The following MAP3K9 variants were observed in gnomAD, a reference collection of about 807,000 sequenced individuals.
MAP3K9 encodes the protein mitogen-activated protein kinase kinase kinase 9, also known as mixed lineage kinase 1 (tyr and ser/thr specificity).
Under a neutral mutation model 95.8 loss-of-function variants are expected in MAP3K9, and 46 were observed. The ratio of observed to expected loss-of-function variants is 0.48; its 90% confidence interval spans 0.38 to 0.61. MAP3K9 has a LOEUF of 0.61. Among genes scored for constraint, MAP3K9 ranks in the 20% least tolerant of loss-of-function variants. MAP3K9 has a pLI of 0.00. For synonymous variants in MAP3K9, 533 were observed against 593.8 expected (o/e 0.90, Z 1.49); for missense variants, 1,296 against 1,474.3 (o/e 0.88, Z 1.98).
chr14:70,745,448 T>C (rs908246714), intron 5 of MAP3K9, among the ~76,000 whole-genome samples: 7 of 152,088 alleles, frequency 4.6e-5, no homozygotes, highest in Admixed American at 2.0e-4. Flanking sequence ...ATAAAAGTGA[T>C]AGAAAGAAGG....
intron 2 of MAP3K9, among the ~76,000 whole-genome samples, chr14:70,778,077 T>A (rs72721934): frequency 2.1e-5 from 3 of 145,654 alleles, no homozygotes; most frequent in Non-Finnish European, 4.6e-5. Flanking sequence ...TCCCTTTTGT[T>A]TTTTGTTGTT....
intron 5 of MAP3K9, among the ~76,000 whole-genome samples, chr14:70,745,354 G>T (rs1241330174): frequency 6.6e-6 from 1 of 152,186 alleles, no homozygotes; most frequent in Non-Finnish European, 1.5e-5. Context: ...AGAGGAAAGA[G>T]ATCAAGAAAT....
rs190944326 is a variant in MAP3K9 at position 70,789,349 on chromosome 14, C to T, written c.820+11318G>A. 1.4e-4 allele frequency among the ~76,000 whole-genome samples: 22 copies of T among 152,268 alleles called. 1 individual carries two copies. In the East Asian group the frequency reaches 4.2e-3, roughly 29 times the overall value. The stretch of plus-strand genomic sequence containing the variant: ...GCTACTCAGGGCTGCCTAAAATCCT[C>T]TTGCACCACTTTAAAAAGGGAAATT... On this transcript the variant is annotated intron_variant, in intron 2 of 11. Coordinates refer to ENST00000554752, the MANE Select transcript of MAP3K9 (RefSeq NM_001284230.2).
intron 2 of MAP3K9, among the ~76,000 whole-genome samples, chr14:70,766,597 A>C (rs1341213780): frequency 1.3e-5 from 2 of 152,140 alleles, no homozygotes; most frequent in Admixed American, 1.3e-4. Context: ...TATGTCCATC[A>C]CTTTTGTTAA....
rs1025032409 is a variant in MAP3K9, at chr14:70,728,898, C to G, written c.*1482G>C. On this transcript the variant is annotated 3_prime_UTR_variant, in exon 12 of 12. Transcript: ENST00000554752. ...GGAAGAGGGGAATGACCTTGAGACTCTACTCCCAATCAAGTCGTCATTCCC... is the reference window on the plus strand; with the variant it reads ...GGAAGAGGGGAATGACCTTGAGACTGTACTCCCAATCAAGTCGTCATTCCC... 6.6e-6 allele frequency: 1 copy of G among 152,204 alleles called. No homozygotes were observed. The highest frequency in any genetic ancestry group is 1.5e-5 in the Non-Finnish European group (1 of 68,058). 9.4% of individuals were successfully genotyped at this position (152,204 alleles called of 1,614,324 possible).
At chr14:70,751,536 T>C (rs2054228033) in intron 3 of MAP3K9, among the ~76,000 whole-genome samples, 2 of 152,122 alleles carry the variant, frequency 1.3e-5, no homozygotes, top group African/African-American at 4.8e-5. Context: ...CTGGCCAACA[T>C]GGTGGAACTC....
At chr14:70,802,832 T>C (rs1002165010) in intron 1 of MAP3K9, among the ~76,000 whole-genome samples, 4 of 152,172 alleles carry the variant, frequency 2.6e-5, no homozygotes, top group Non-Finnish European at 5.9e-5. Flanking sequence ...AAACATTTTG[T>C]AGGTAACCAA....
At chr14:70,776,538 G>C (rs2054601544) in intron 2 of MAP3K9, among the ~76,000 whole-genome samples, 2 of 152,138 alleles carry the variant, frequency 1.3e-5, no homozygotes, top group Non-Finnish European at 2.9e-5. Flanking sequence ...GTCAGTGGGA[G>C]AGCTAGGAAC....
intron 5 of MAP3K9, among the ~76,000 whole-genome samples, chr14:70,745,889 AT>A (rs2054140509): frequency 6.6e-6 from 1 of 152,330 alleles, no homozygotes; most frequent in South Asian, 2.1e-4. Context: ...AGAGTGCAAT[AT>A]TGTGAATGCA....
At chr14:70,745,125 G>A (rs2054128067) in intron 5 of MAP3K9, among the ~76,000 whole-genome samples, 1 of 152,186 alleles carries the variant, frequency 6.6e-6, no homozygotes, top group African/African-American at 2.4e-5. Context: ...GGGGTGTGGG[G>A]TGGAACCTGG....
chr14:70,733,341 C>T lies in MAP3K9; in HGVS notation c.2028G>A (p.Glu676=), dbSNP rs1181598320. ...LPGFTSLMEM[E]DEDSEGPGSG... is the part of the protein sequence containing the mutation. ...TCCCTGGGCCTTCACTGTCCTCATC[C>T]TCTGTGAAGATGACAAGAGTGGAAG... Residue 676 remains glutamate, a splice_region_variant and synonymous_variant, in exon 11 of 12, where the codon GAG becomes GAA. Transcript: ENST00000554752. 11 of 1,256,612 alleles carry T rather than the reference C, an allele frequency of 8.8e-6. No individual in the cohort carries two copies. The highest frequency in any genetic ancestry group is 2.2e-5 in the Admixed American group (1 of 45,620). The allele number at this position is 1,256,612 out of a possible 1,614,324, so 77.8% of individuals were successfully genotyped here. A position where few individuals can be genotyped will look rare whatever the true frequency, so the allele number is the denominator to read the frequency against.
Position 70,761,166 on chromosome 14 carries a change from C to G in MAP3K9, c.837G>C (p.Lys279Asn). ...TGTTGCTCAGGTCTCCATTCTCCAC[C>G]TTCTGGAGGATCAATACTAGGCAAG... is the stretch of plus-strand genomic sequence containing the variant. ...LKSSNILILQ[K>N]VENGDLSNKI... is the part of the protein sequence containing the mutation. Residue 279 changes from lysine (K) to asparagine (N), a missense_variant, in exon 3 of 12, where the codon AAG becomes AAC. This residue lies in a region of MAP3K9 where 136 missense variants were observed against 221.5 expected (regional missense o/e 0.61). Coordinates refer to ENST00000554752, the MANE Select transcript of MAP3K9 (RefSeq NM_001284230.2). The G allele has an allele frequency of 9.9e-6, 16 of 1,613,562 alleles. No individual in the cohort carries two copies. The highest frequency in any genetic ancestry group is 1.3e-5 in the Non-Finnish European group (15 of 1,179,728).
At chr14:70,733,518 A>AC in intron 10 of MAP3K9, 176 bp from the exon 11 acceptor site, 2 of 602,374 alleles carry the variant, frequency 3.3e-6, no homozygotes. Context: ...GGCTTTATCC[A>AC]CCCCCCAACA....
chr14:70,784,010 GCAGTGGCTCACGCCTGTAATCC>G (rs559935784), intron 2 of MAP3K9, among the ~76,000 whole-genome samples: 146 of 152,228 alleles, frequency 9.6e-4, no homozygotes, highest in Non-Finnish European at 1.6e-3. Flanking sequence ...ACGGCCAGGC[GCAGTGGCTCACGCCTGTAATCC>G]CAGCACTTTG....
rs118062238 is a variant in MAP3K9, at chr14:70,763,780, C to T, written c.821-2598G>A. 1.1e-3 allele frequency among the ~76,000 whole-genome samples: 168 copies of T among 152,264 alleles called. 4 individuals carry two copies. In the East Asian group the frequency reaches 0.03, roughly 27 times the overall value. On this transcript the variant is annotated intron_variant, in intron 2 of 11. Transcript: ENST00000554752. ...CTCCTCGGTTCAAGCGATCCTCCCACCTCAGCCTCCCAAAGTGTTGGGATT... is the reference window on the plus strand; with the variant it reads ...CTCCTCGGTTCAAGCGATCCTCCCATCTCAGCCTCCCAAAGTGTTGGGATT...
At chr14:70,775,082 C>T (rs557823241) in intron 2 of MAP3K9, among the ~76,000 whole-genome samples, 22 of 146,964 alleles carry the variant, frequency 1.5e-4, no homozygotes, top group African/African-American at 4.8e-4. Flanking sequence ...AGATGATAAG[C>T]GAAACGTTTT....
intron 8 of MAP3K9, among the ~76,000 whole-genome samples, 164 bp from the exon 9 acceptor site, chr14:70,736,193 C>T (rs932411354): frequency 1.3e-5 from 2 of 152,156 alleles, no homozygotes; most frequent in African/African-American, 2.4e-5. Flanking sequence ...CAAGATGGTC[C>T]TGTTTAAGCC....
chr14:70,730,933 C>G (rs1231722871), intron 11 of MAP3K9, 69 bp from the exon 12 acceptor site: 8 of 1,447,524 alleles, frequency 5.5e-6, no homozygotes, highest in East Asian at 4.6e-5. Context: ...ATCCGCTACT[C>G]CCCCCCAACA....
In MAP3K9 at chr14:70,732,541, G is replaced by A. The variant is rs1247283614; in HGVS notation, c.2828C>T (p.Ala943Val). 2.6e-6 allele frequency: 4 copies of A among 1,555,386 alleles called. No homozygotes were observed. Among genetic ancestry groups the A allele is most frequent in the South Asian group, 2.4e-5 (2 of 82,098 alleles). The part of the protein sequence containing the change: ...SSNGLSPSPG[A>V]GMLKTPSPSR... ...GAGAAAAGAGGAAGAAGACTCACCT[G>A]CTCCAGGACTGGGGCTCAACCCATT... is the stretch of plus-strand genomic sequence containing the variant. Residue 943 changes from alanine (A) to valine (V), a missense_variant and splice_region_variant, in exon 11 of 12, where the codon GCA becomes GTA. Coordinates refer to ENST00000554752, the MANE Select transcript of MAP3K9 (RefSeq NM_001284230.2).
Sources: allele counts gnomAD v4.1 joint callset (sites outside exome capture counted in the v4.1 genomes callset), GRCh38; gene constraint gnomAD v4.1.1; regional missense constraint gnomAD v4.1.1; transcripts MANE v1.5; gene names NCBI Gene and HGNC (gene_info 2026-07-23, HGNC 2026-07-21).